CDYL2: variants seen among roughly 807,000 people sequenced by gnomAD.
CDYL2 encodes chromodomain Y-like protein 2.
CDYL2 carries 23 observed loss-of-function variants against 49.4 expected under a neutral mutation model. The observed-to-expected ratio is 0.47, with a 90% CI of 0.34 to 0.66. CDYL2 has a LOEUF of 0.66. Ranked by LOEUF, CDYL2 falls within the 30% of genes least tolerant of loss-of-function variation. CDYL2 has a pLI of 0.01. For missense variants in CDYL2, 678 were observed against 656.4 expected, an observed-to-expected ratio of 1.03 and a Z score of -0.36; for synonymous variants, 360 against 268.8, an observed-to-expected ratio of 1.34 and a Z score of -3.32.
chr16:80,796,904 C>G (rs999302126), intron 1 of CDYL2, among the ~76,000 whole-genome samples: 2 of 152,192 alleles, frequency 1.3e-5, no homozygotes, highest in African/African-American at 4.8e-5. Flanking sequence ...CCCAAGGTTA[C>G]CAATGACTCA....
chr16:80,644,383 A>T (rs759600124), intron 2 of CDYL2, among the ~76,000 whole-genome samples: 13 of 152,146 alleles, frequency 8.5e-5, no homozygotes, highest in Admixed American at 1.3e-4. Context: ...GAGCCTTCCA[A>T]ACTGTTCCAA....
At chr16:80,662,949 C>T (rs1171304311) in intron 2 of CDYL2, among the ~76,000 whole-genome samples, 2 of 151,904 alleles carry the variant, frequency 1.3e-5, no homozygotes, top group Non-Finnish European at 2.9e-5. Context: ...AAGAACGACA[C>T]AAGTCATTCT....
chr16:80,619,627 G>C (rs962065784), intron 4 of CDYL2, among the ~76,000 whole-genome samples: 58 of 152,180 alleles, frequency 3.8e-4, no homozygotes, highest in Admixed American at 3.3e-4. Context: ...GCATAGCTGG[G>C]ACCACGCAAA....
chr16:80,670,871 T>A (rs1291809283), intron 2 of CDYL2: 10 of 455,524 alleles, frequency 2.2e-5, no homozygotes, highest in South Asian at 1.5e-4. Context: ...ATACACAGCA[T>A]AGTCAGGTTG....
intron 2 of CDYL2, among the ~76,000 whole-genome samples, chr16:80,644,471 C>T (rs1339350933): frequency 2.6e-5 from 4 of 152,164 alleles, no homozygotes; most frequent in Admixed American, 2.6e-4. Context: ...TCTACTTGTA[C>T]CAATTTCATG....
intron 2 of CDYL2, among the ~76,000 whole-genome samples, chr16:80,671,854 C>G (rs1909522872): frequency 6.6e-6 from 1 of 152,114 alleles, no homozygotes; most frequent in Non-Finnish European, 1.5e-5. Context: ...CTCTGGGAAT[C>G]TAGTCTAGAA....
chr16:80,744,971 GTCTC>G (rs1458063335), intron 1 of CDYL2, among the ~76,000 whole-genome samples: 3 of 152,158 alleles, frequency 2.0e-5, no homozygotes, highest in African/African-American at 7.2e-5. Flanking sequence ...AAACCTAAGG[GTCTC>G]TCTGATGCCA....
At chr16:80,755,501 G>A (rs932866648) in intron 1 of CDYL2, among the ~76,000 whole-genome samples, 9 of 152,154 alleles carry the variant, frequency 5.9e-5, no homozygotes, top group Admixed American at 4.6e-4. Flanking sequence ...ATGGTTCACA[G>A]GGCCAATAAA....
intron 1 of CDYL2, among the ~76,000 whole-genome samples, chr16:80,790,837 G>C (rs1907586453): frequency 6.6e-6 from 1 of 152,102 alleles, no homozygotes; most frequent in African/African-American, 2.4e-5. Flanking sequence ...GCCGTCCTCT[G>C]CTAAATCTTG....
At chr16:80,686,102 G>C (rs911227348) in intron 1 of CDYL2, among the ~76,000 whole-genome samples, 8 of 152,202 alleles carry the variant, frequency 5.3e-5, no homozygotes, top group African/African-American at 1.9e-4. Flanking sequence ...TGCACAGCTC[G>C]CAGGCGATAC....
intron 1 of CDYL2, among the ~76,000 whole-genome samples, chr16:80,799,149 T>G (rs1024953879): frequency 6.6e-6 from 1 of 152,160 alleles, no homozygotes; most frequent in African/African-American, 2.4e-5. Flanking sequence ...GTCCTACTTT[T>G]GTAACTACCC....
At chr16:80,681,916 TA>T (rs111475665) in intron 2 of CDYL2, among the ~76,000 whole-genome samples, 5,389 of 151,676 alleles carry the variant, frequency 0.036, 166 homozygotes, top group African/African-American at 0.084. Flanking sequence ...TAGGAAGTCA[TA>T]AAAAAAAATC....
chr16:80,657,978 G>A (rs1214947075), intron 2 of CDYL2, among the ~76,000 whole-genome samples: 3 of 151,842 alleles, frequency 2.0e-5, no homozygotes, highest in Admixed American at 6.6e-5. Flanking sequence ...AAAAGAAAGA[G>A]CTATCTCTAT....
rs147413200 is a variant in CDYL2, at chr16:80,725,603, G to A, written c.25-40474C>T. ...TTCAAATTCTTACTTTCATGTCCAA[G>A]AACTGTGCTTAGTTGCTGTGGCCTA... is the stretch of plus-strand genomic sequence containing the variant. On this transcript the variant is annotated intron_variant, in intron 1 of 6. Transcript: ENST00000570137. Among the ~76,000 whole-genome samples, 431 of 152,294 alleles carry A rather than the reference G, an allele frequency of 2.8e-3. 2 individuals are homozygous for A. The highest frequency in any genetic ancestry group is 0.01 in the Middle Eastern group (3 of 294).
chr16:80,640,319 C>T (rs1908026961), intron 2 of CDYL2, among the ~76,000 whole-genome samples: 1 of 152,078 alleles, frequency 6.6e-6, no homozygotes, highest in African/African-American at 2.4e-5. Flanking sequence ...GTCATGAGGC[C>T]CAGTCTGGGC....
intron 4 of CDYL2, among the ~76,000 whole-genome samples, chr16:80,614,471 C>G (rs1220966209): frequency 6.6e-6 from 1 of 152,236 alleles, no homozygotes; most frequent in Non-Finnish European, 1.5e-5. Context: ...AATGGGAAGA[C>G]AGCCACAGGC....
upstream of CDYL2, among the ~76,000 whole-genome samples, chr16:80,804,708 G>A (rs1347818366): frequency 2.0e-5 from 3 of 148,664 alleles, no homozygotes; most frequent in Non-Finnish European, 4.5e-5. Context: ...CTAGCGCTCG[G>A]GCCCGCCCCG....
In CDYL2 at chr16:80,634,411, C is replaced by G. The variant is rs150277655; in HGVS notation, c.617-1175G>C. 4.6e-5 allele frequency among the ~76,000 whole-genome samples: 7 copies of G among 152,294 alleles called. No individual in the cohort carries two copies. In the South Asian group the frequency reaches 1.5e-3, roughly 32 times the overall value. ...TATCGCAAGGACAGAAAACCAAACA[C>G]CGCATGTTCTCACACATAGGTGGGA... On this transcript the variant is annotated intron_variant, in intron 2 of 6. Transcript: ENST00000570137.
intron 1 of CDYL2, among the ~76,000 whole-genome samples, chr16:80,692,737 A>C (rs1910465689): frequency 6.6e-6 from 1 of 152,214 alleles, no homozygotes; most frequent in Admixed American, 6.5e-5. Context: ...TAAGATAATG[A>C]GTATAGGAAA....
Sources: allele counts gnomAD v4.1 joint callset (sites outside exome capture counted in the v4.1 genomes callset), GRCh38; gene constraint gnomAD v4.1.1; transcripts MANE v1.5; gene names NCBI Gene and HGNC (gene_info 2026-07-23, HGNC 2026-07-21).